The following PLXNA4 variants were observed in gnomAD, a reference collection of about 807,000 sequenced individuals.
PLXNA4 encodes the protein plexin A4, also known as plexin-A4.
Under a neutral mutation model 191.8 loss-of-function variants are expected in PLXNA4, and 44 were observed. The ratio of observed to expected loss-of-function variants is 0.23; its 90% CI spans 0.18 to 0.29. The LOEUF is 0.29. Among genes scored for constraint, PLXNA4 ranks in the 10% least tolerant of loss-of-function variants. The pLI is 1.00. For synonymous variants in PLXNA4, 1,082 were observed against 1,009.5 expected (o/e 1.07, Z -1.36); for missense variants, 1,800 against 2,488.8 (o/e 0.72, Z 5.89).
At chr7:132,368,868 G>T (rs1360645949) in intron 3 of PLXNA4, among the ~76,000 whole-genome samples, 1 of 152,190 alleles carries the variant, frequency 6.6e-6, no homozygotes, top group Non-Finnish European at 1.5e-5. Flanking sequence ...AATGACCTTG[G>T]GAACCCACAT....
At chr7:132,141,368 A>G (rs1795263784) in intron 29 of PLXNA4, among the ~76,000 whole-genome samples, 1 of 152,048 alleles carries the variant, frequency 6.6e-6, no homozygotes, top group Non-Finnish European at 1.5e-5. Flanking sequence ...TTTCATTTCT[A>G]AGCTGGCACG....
intron 2 of PLXNA4, among the ~76,000 whole-genome samples, chr7:132,640,558 C>T (rs1234942757): frequency 6.6e-6 from 1 of 152,120 alleles, no homozygotes; most frequent in East Asian, 1.9e-4. Flanking sequence ...GAAAAGGCAG[C>T]CATCTGCAAG....
chr7:132,314,107 C>A (rs1801852637), intron 3 of PLXNA4, among the ~76,000 whole-genome samples: 1 of 152,184 alleles, frequency 6.6e-6, no homozygotes, highest in Admixed American at 6.5e-5. Context: ...AGGAAAGACA[C>A]ACCGATTTAA....
chr7:132,368,381 C>T (rs576872176), intron 3 of PLXNA4, among the ~76,000 whole-genome samples: 150 of 152,282 alleles, frequency 9.9e-4, no homozygotes, highest in Non-Finnish European at 2.0e-3. Flanking sequence ...CGGCTGCACC[C>T]ACACAGATCC....
chr7:132,416,039 T>C (rs1794646674), intron 3 of PLXNA4, among the ~76,000 whole-genome samples: 1 of 152,240 alleles, frequency 6.6e-6, no homozygotes, highest in South Asian at 2.1e-4. Context: ...TCTAGTTCCT[T>C]AGTCATACTA....
chr7:132,360,177 C>A (rs1221637455), intron 3 of PLXNA4, among the ~76,000 whole-genome samples: 1 of 152,178 alleles, frequency 6.6e-6, no homozygotes, highest in African/African-American at 2.4e-5. Flanking sequence ...AAAGCATGGG[C>A]ACTTTCTCTC....
In PLXNA4 at chr7:132,401,292, C is replaced by T. The variant is rs560962226; in HGVS notation, c.1371+88000G>A. Among the ~76,000 whole-genome samples, 27 of 152,264 alleles carry T rather than the reference C, an allele frequency of 1.8e-4. No individual in the cohort carries two copies. The South Asian group carries it at 5.4e-3, about 30-fold the overall frequency. On this transcript the variant is annotated intron_variant, in intron 3 of 31. Coordinates refer to ENST00000321063, the MANE Select transcript of PLXNA4 (RefSeq NM_020911.2). ...CTGTACAATTTATTGCAATTGCATG[C>T]AAATTCACGATTATCTCAAAAGGCA...
intron 2 of PLXNA4, among the ~76,000 whole-genome samples, chr7:132,622,323 G>T (rs1483366795): frequency 6.6e-6 from 1 of 152,088 alleles, no homozygotes; most frequent in Admixed American, 6.5e-5. Context: ...CAACTGTTTT[G>T]GATTTAATGT....
At chr7:132,468,016 G>A (rs1175495968) in intron 3 of PLXNA4, among the ~76,000 whole-genome samples, 1 of 152,154 alleles carries the variant, frequency 6.6e-6, no homozygotes, top group Non-Finnish European at 1.5e-5. Flanking sequence ...CTGGCTCACT[G>A]GGTGGTTCCT....
chr7:132,210,911 G>A, intron 10 of PLXNA4, 32 bp downstream of exon 10: 1 of 1,599,648 alleles, frequency 6.3e-7, no homozygotes, highest in Admixed American at 1.7e-5. Context: ...ACTGGGGCCT[G>A]GTTTGGCAGT....
At chr7:132,635,761 T>C (rs151338829) in intron 2 of PLXNA4, among the ~76,000 whole-genome samples, 1 of 152,228 alleles carries the variant, frequency 6.6e-6, no homozygotes, top group African/African-American at 2.4e-5. Context: ...CGTTTAATAC[T>C]TAACAACACA....
intron 3 of PLXNA4, among the ~76,000 whole-genome samples, chr7:132,348,259 T>A (rs1284894004): frequency 6.6e-6 from 1 of 152,182 alleles, no homozygotes; most frequent in African/African-American, 2.4e-5. Context: ...ATCATAACAA[T>A]CTTTTCCAAT....
intron 3 of PLXNA4, among the ~76,000 whole-genome samples, chr7:132,461,966 T>C (rs563682065): frequency 6.6e-6 from 1 of 152,330 alleles, no homozygotes; most frequent in African/African-American, 2.4e-5. Context: ...ATGTTGCAGA[T>C]CTATGAGCAA....
intron 3 of PLXNA4, among the ~76,000 whole-genome samples, chr7:132,342,666 G>A (rs534099641): frequency 6.6e-6 from 1 of 152,110 alleles, no homozygotes; most frequent in African/African-American, 2.4e-5. Flanking sequence ...TTTACACGAG[G>A]CCAGGCATGG....
chr7:132,232,416 C>A (rs1292076420), intron 5 of PLXNA4, among the ~76,000 whole-genome samples: 2 of 152,150 alleles, frequency 1.3e-5, no homozygotes, highest in Non-Finnish European at 2.9e-5. Context: ...ACCCCCGCCC[C>A]AAATGCAAAC....
At chr7:132,260,369 A>T (rs568655363) in intron 4 of PLXNA4, among the ~76,000 whole-genome samples, 2 of 152,324 alleles carry the variant, frequency 1.3e-5, no homozygotes, top group African/African-American at 4.8e-5. Context: ...ACGTGGATGC[A>T]ACTGGAGGCC....
rs61032250 is a variant in PLXNA4 at position 132,206,437 on chromosome 7, G to GGTGTGTGTGT, written c.2299-3028_2299-3019dup. ...ACATATGAGAACGCTTATGTTTTCTGGTGTGTGTGTGTGTGTGTGTGTGTG... is the reference window on the plus strand; with the variant it reads ...ACATATGAGAACGCTTATGTTTTCTGGTGTGTGTGTGTGTGTGTGTGTGTGTGTGTGTGTG... On this transcript the variant is annotated intron_variant, in intron 10 of 31. Coordinates refer to ENST00000321063, the MANE Select transcript of PLXNA4 (RefSeq NM_020911.2). 8.6e-3 allele frequency among the ~76,000 whole-genome samples: 1,269 copies of GGTGTGTGTGT among 148,400 alleles called. 13 individuals carry two copies. The highest frequency in any genetic ancestry group is 0.043 in the East Asian group (210 of 4,930).
intron 22 of PLXNA4, among the ~76,000 whole-genome samples, chr7:132,167,672 C>A (rs1796161948): frequency 6.6e-6 from 1 of 152,080 alleles, no homozygotes; most frequent in African/African-American, 2.4e-5. Context: ...GTAGCTGGAA[C>A]TTTACAGGTG....
intron 1 of PLXNA4, among the ~76,000 whole-genome samples, chr7:132,557,541 CTTT>C (rs200497175): frequency 0.01 from 1,153 of 114,954 alleles, 16 homozygotes; most frequent in African/African-American, 0.031. Flanking sequence ...TTTAATTTAT[CTTT>C]TTTTTAAAAA....
Sources: gnomAD v4.1 joint callset for allele counts (sites outside exome capture counted in the v4.1 genomes callset) on GRCh38, gnomAD v4.1.1 for gene constraint, MANE v1.5 for transcripts, NCBI Gene and HGNC (gene_info 2026-07-23, HGNC 2026-07-21) for gene names.